The following CD1A variants were observed in gnomAD, a reference collection of about 807,000 sequenced individuals.
The protein encoded by CD1A is CD1a molecule.
CD1A carries 50 observed loss-of-function variants against 38.3 expected under a neutral mutation model. That is an observed-to-expected ratio of 1.30 (90% confidence interval 1.04 to 1.65). The LOEUF (loss-of-function observed/expected upper bound fraction) is 1.65. CD1A is among the 40% of genes most tolerant of loss of function. CD1A has a pLI of 0.00. For missense variants in CD1A, 459 were observed against 406.1 expected, an observed-to-expected ratio of 1.13 and a Z score of -1.12; for synonymous variants, 160 against 150.8, an observed-to-expected ratio of 1.06 and a Z score of -0.45.
At chr1:158,248,728 C>T in the CD1A span, among the ~76,000 whole-genome samples, 5 of 152,110 alleles carry the variant, frequency 3.3e-5, no homozygotes, top group Non-Finnish European at 7.4e-5. Flanking sequence ...TTTTCCCTAG[C>T]ATTCTGCTCT....
chr1:158,250,356 A>C (rs1219553331), upstream of CD1A, among the ~76,000 whole-genome samples: 1 of 152,232 alleles, frequency 6.6e-6, no homozygotes, highest in African/African-American at 2.4e-5. Context: ...ATTTGACTTC[A>C]TTTATAAAAC....
rs769928363 is a variant in CD1A, at chr1:158,257,681, T to C, written c.975T>C (p.Cys325=). ...GACTTCTATCTCTGTTCTCATCCAG[T>C]TTCTGTTAAGACACACCATGAGCCT... ...IGLALWFRKR[C]FC The change falls in exon 6 of 6, where the codon TGT becomes TGC. Residue 325 remains cysteine (C), a splice_region_variant and synonymous_variant. Coordinates refer to ENST00000289429, the MANE Select transcript of CD1A (RefSeq NM_001763.3). 1.4e-5 allele frequency: 23 copies of C among 1,614,058 alleles called. No individual in the cohort carries two copies. Among genetic ancestry groups the C allele is most frequent in the South Asian group, 6.6e-5 (6 of 91,078 alleles).
Position 158,256,264 on chromosome 1 carries a change from G to T in CD1A, c.586G>T (p.Ala196Ser), listed in dbSNP as rs528283553. 13 of 1,613,862 alleles carry T rather than the reference G, an allele frequency of 8.1e-6. No individual in the cohort carries two copies. The East Asian group carries it at 8.9e-5, about 11-fold the overall frequency. ...CTTGGGTCTTCTTGATGCAGGAAAG[G>T]CACATCTCCAGCGGCAAGGTCAGTC... ...FILGLLDAGK[A>S]HLQRQVKPEA... The change falls in exon 3 of 6, where the codon GCA (alanine) becomes TCA (serine). Residue 196 changes from alanine (A) to serine (S), a missense_variant. Ala to Ser is a moderately conservative substitution (Grantham distance 99). Coordinates refer to ENST00000289429, the MANE Select transcript of CD1A (RefSeq NM_001763.3).
chr1:158,253,973 G>A (rs1650150499), upstream of CD1A, among the ~76,000 whole-genome samples: 1 of 135,014 alleles, frequency 7.4e-6, no homozygotes. Context: ...GTGAGTGAAT[G>A]TATATCAATG....
rs906695584 is a variant in CD1A, at chr1:158,258,153, A to T, written c.*463A>T. On this transcript the variant is annotated 3_prime_UTR_variant, in exon 6 of 6. Transcript: ENST00000289429. ...TATTTAGATCCCCCCTTTCCTTCTA[A>T]TTTTTCAGCTCCTTCAATGCAAAGT... The T allele has an allele frequency of 1.9e-5, 3 of 158,952 alleles. No homozygotes were observed. The highest frequency in any genetic ancestry group is 7.3e-5 in the African/African-American group (3 of 41,376). The allele number at this position is 158,952 out of a possible 1,614,324, so 9.8% of individuals were successfully genotyped here. A position where few individuals can be genotyped will look rare whatever the true frequency, so the allele number is the denominator to read the frequency against.
In CD1A at chr1:158,254,598, G is replaced by A; in HGVS notation, c.-72G>A. ...AAAGAAGTCAGAATAGAGATATCGTGGGGTAGGTTTGTTTGGAACAGAAAT... is the reference window on the plus strand; with the variant it reads ...AAAGAAGTCAGAATAGAGATATCGTAGGGTAGGTTTGTTTGGAACAGAAAT... On this transcript the variant is annotated 5_prime_UTR_variant, in exon 1 of 6. Coordinates refer to ENST00000289429, the MANE Select transcript of CD1A (RefSeq NM_001763.3). 6.2e-7 allele frequency: 1 copy of A among 1,611,102 alleles called. No homozygotes were observed. Among genetic ancestry groups the A allele is most frequent in the Non-Finnish European group, 8.5e-7 (1 of 1,178,752 alleles).
chr1:158,253,040 T>C (rs936754884), upstream of CD1A, among the ~76,000 whole-genome samples: 4 of 152,160 alleles, frequency 2.6e-5, no homozygotes, highest in Non-Finnish European at 5.9e-5. Context: ...GAGGTTACAG[T>C]GAGCTATGAT....
Position 158,256,782 on chromosome 1 carries a change from G to T in CD1A, c.605-4G>T. On this transcript the variant is annotated splice_polypyrimidine_tract_variant and splice_region_variant and intron_variant, in intron 3 of 5. Transcript: ENST00000289429. Reference sequence around the variant, plus strand: ...TATTTGAATATCTTTTCTGTCCTTTGCAGTGAAGCCCGAGGCCTGGCTGTC... The same window carrying T: ...TATTTGAATATCTTTTCTGTCCTTTTCAGTGAAGCCCGAGGCCTGGCTGTC... 2 of 1,613,382 alleles carry T rather than the reference G, an allele frequency of 1.2e-6. No individual in the cohort carries two copies. The highest frequency in any genetic ancestry group is 1.7e-6 in the Non-Finnish European group (2 of 1,179,506).
chr1:158,255,349 A>G lies in CD1A; in HGVS notation c.324A>G (p.Glu108=), dbSNP rs1334251965. ...GATACGCCCATGAATTGCAGTTTGA[A>G]TGTGAGTTCAGTTTTCTCCATGGAG... ...IRRYAHELQF[E]YPFEIQVTGG... Residue 108 remains glutamate, a splice_region_variant and synonymous_variant, in exon 2 of 6, where the codon GAA becomes GAG. Transcript: ENST00000289429. The G allele has an allele frequency of 6.2e-7, 1 of 1,613,092 alleles. No homozygotes were observed. Among genetic ancestry groups the G allele is most frequent in the Admixed American group, 1.7e-5 (1 of 60,020 alleles).
At chr1:158,251,163 G>C (rs12145613), upstream of CD1A, among the ~76,000 whole-genome samples, 11,325 of 152,224 alleles carry the variant, frequency 0.074, 590 homozygotes, top group Non-Finnish European at 0.12. Flanking sequence ...AAATCAGAAG[G>C]GAGAGAAAAT....
In CD1A at chr1:158,257,844, A is replaced by T; in HGVS notation, c.*154A>T. Reference sequence around the variant, plus strand: ...TATTTTTGCTTGTTTCTGATTAATGATTGTTTGTCAATATAAGCTCAATTT... The same window carrying T: ...TATTTTTGCTTGTTTCTGATTAATGTTTGTTTGTCAATATAAGCTCAATTT... On this transcript the variant is annotated 3_prime_UTR_variant, in exon 6 of 6. Coordinates refer to ENST00000289429, the MANE Select transcript of CD1A (RefSeq NM_001763.3). The T allele has an allele frequency of 1.5e-6, 1 of 678,480 alleles. No homozygotes were observed. The highest frequency in any genetic ancestry group is 2.6e-6 in the Non-Finnish European group (1 of 384,222). 42.0% of individuals were successfully genotyped at this position (678,480 alleles called of 1,614,324 possible).
rs1263281871 is a variant in CD1A at position 158,256,195 on chromosome 1, G to T, written c.517G>T (p.Asp173Tyr). 1 of 1,614,156 alleles carries T rather than the reference G, an allele frequency of 6.2e-7. No individual in the cohort carries two copies. The highest frequency in any genetic ancestry group is 1.1e-5 in the South Asian group (1 of 91,086). ...GCTCAATCAGAATCAGCATGAAAATGACATAACACACAATCTTCTCAGTGA... is the reference window on the plus strand; with the variant it reads ...GCTCAATCAGAATCAGCATGAAAATTACATAACACACAATCTTCTCAGTGA... ...KVLNQNQHEN[D>Y]ITHNLLSDTC... The change falls in exon 3 of 6, where the codon GAC becomes TAC. Residue 173 changes from aspartate to tyrosine, a missense_variant. Coordinates refer to ENST00000289429, the MANE Select transcript of CD1A (RefSeq NM_001763.3).
chr1:158,254,030 G>GTTTTTTTTTTTTTTTTTT (rs1398850181), upstream of CD1A: 8 of 45,828 alleles, frequency 1.7e-4, 2 homozygotes, highest in African/African-American at 1.7e-4. Context: ...GTGTTCCTGT[G>GTTTTTTTTTTTTTTTTTT]GTTTTTTTTT....
chr1:158,255,320 C>A lies in CD1A; in HGVS notation c.295C>A (p.Arg99Ser). ...IRTIRSFEGI[R>S]RYAHELQFEY... The stretch of plus-strand genomic sequence containing the variant: ...CACCATTCGGTCATTTGAGGGAATT[C>A]GTAGATACGCCCATGAATTGCAGTT... Residue 99 changes from arginine to serine, a missense_variant, in exon 2 of 6, where the codon CGT (arginine) becomes AGT (serine). Transcript: ENST00000289429. 6.2e-7 allele frequency: 1 copy of A among 1,614,074 alleles called. No individual in the cohort carries two copies. Among genetic ancestry groups the A allele is most frequent in the Admixed American group, 1.7e-5 (1 of 60,018 alleles).
chr1:158,249,270 C>T, the CD1A span, among the ~76,000 whole-genome samples: 4 of 152,282 alleles, frequency 2.6e-5, no homozygotes, highest in Admixed American at 1.3e-4. Context: ...CAACAGAATA[C>T]CACAGACTGG....
chr1:158,256,677 A>G, intron 3 of CD1A, 109 bp from the exon 4 acceptor site: 1 of 542,314 alleles, frequency 1.8e-6, no homozygotes, highest in Non-Finnish European at 2.3e-6. Flanking sequence ...CCCTGTCTCA[A>G]AAAAAAAAAA....
upstream of CD1A, among the ~76,000 whole-genome samples, chr1:158,253,297 C>T (rs1485977703): frequency 6.6e-6 from 1 of 152,070 alleles, no homozygotes; most frequent in African/African-American, 2.4e-5. Flanking sequence ...AACAAAACAA[C>T]CCTGAAACAT....
At chr1:158,256,597 C>G (rs1315757485) in intron 3 of CD1A, among the ~76,000 whole-genome samples, 189 bp from the exon 4 acceptor site, 1 of 151,444 alleles carries the variant, frequency 6.6e-6, no homozygotes, top group Non-Finnish European at 1.5e-5. Flanking sequence ...TTGAGCCTAA[C>G]AGTTTGAGGT....
intron 3 of CD1A, among the ~76,000 whole-genome samples, 193 bp downstream of exon 3, chr1:158,256,475 C>T (rs1034124660): frequency 3.3e-5 from 5 of 151,980 alleles, no homozygotes; most frequent in African/African-American, 1.2e-4. Flanking sequence ...CCCAGACCAG[C>T]CTGAGCAACA....
Sources: gnomAD v4.1 joint callset for allele counts (sites outside exome capture counted in the v4.1 genomes callset) on GRCh38, gnomAD v4.1.1 for gene constraint, MANE v1.5 for transcripts, NCBI Gene and HGNC (gene_info 2026-07-23, HGNC 2026-07-21) for gene names.